ROBO1: variants seen among roughly 807,000 people sequenced by gnomAD.
The protein encoded by ROBO1 is roundabout guidance receptor 1.
A neutral mutation model predicts 195.9 loss-of-function variants in ROBO1; 149 were observed. The observed-to-expected ratio is 0.76, with a 90% CI of 0.67 to 0.87. The LOEUF (loss-of-function observed/expected upper bound fraction) is 0.87. Among genes scored for constraint, ROBO1 ranks in the 40% least tolerant of loss-of-function variants. The probability of loss-of-function intolerance (pLI) is 0.00; values close to 1 mark genes in which losing one functional copy is unlikely to be tolerated. For missense variants in ROBO1, 1,933 were observed against 2,068.3 expected (o/e 0.93, Z 1.27); for synonymous variants, 816 against 733.2 (o/e 1.11, Z -1.82).
intron 2 of ROBO1, among the ~76,000 whole-genome samples, chr3:79,511,384 G>T (rs1940695698): frequency 1.3e-5 from 2 of 152,056 alleles, no homozygotes; most frequent in African/African-American, 4.8e-5. Flanking sequence ...GATTCCTTTG[G>T]ATGGATATAT....
intron 4 of ROBO1, among the ~76,000 whole-genome samples, chr3:78,854,459 C>G (rs918096210): frequency 1.1e-4 from 16 of 150,552 alleles, no homozygotes; most frequent in African/African-American, 3.9e-4. Flanking sequence ...GTCTGGAGAA[C>G]CCTGACTAAT....
chr3:79,331,840 G>A lies in ROBO1; in HGVS notation c.89-206301C>T, dbSNP rs144228241. Among the ~76,000 whole-genome samples, 55 of 152,248 alleles carry A rather than the reference G, an allele frequency of 3.6e-4. No individual in the cohort carries two copies. The East Asian group carries it at 4.3e-3, about 12-fold the overall frequency. Reference sequence around the variant, plus strand: ...ATAATAAAAGAGCATAATTTTCTGCGACATTAAGAATGTGACTTTAGGTCG... The same window carrying A: ...ATAATAAAAGAGCATAATTTTCTGCAACATTAAGAATGTGACTTTAGGTCG... On this transcript the variant is annotated intron_variant, in intron 2 of 30. Coordinates refer to ENST00000464233, the MANE Select transcript of ROBO1 (RefSeq NM_002941.4).
At chr3:78,816,771 G>A (rs534196667) in intron 4 of ROBO1, among the ~76,000 whole-genome samples, 7 of 152,234 alleles carry the variant, frequency 4.6e-5, no homozygotes, top group African/African-American at 1.7e-4. Flanking sequence ...CTGATGATGC[G>A]ACTGAATTGC....
intron 8 of ROBO1, among the ~76,000 whole-genome samples, chr3:78,711,266 T>C (rs1372410123): frequency 6.6e-6 from 1 of 151,370 alleles, no homozygotes; most frequent in African/African-American, 2.4e-5. Context: ...TCTCTCTCTT[T>C]CTTCCTTTCT....
chr3:79,425,909 T>G (rs1353484316), intron 2 of ROBO1, among the ~76,000 whole-genome samples: 1 of 152,218 alleles, frequency 6.6e-6, no homozygotes, highest in Non-Finnish European at 1.5e-5. Context: ...GATAACTGTA[T>G]ATATCTGTTC....
At chr3:78,614,265 G>A (rs909034729) in intron 28 of ROBO1, among the ~76,000 whole-genome samples, 1 of 152,148 alleles carries the variant, frequency 6.6e-6, no homozygotes, top group African/African-American at 2.4e-5. Flanking sequence ...CTATTTGAAT[G>A]CAAAATTGTA....
chr3:78,788,426 CT>C lies in ROBO1; in HGVS notation c.500-41527del, dbSNP rs373965044. 4.6e-3 allele frequency among the ~76,000 whole-genome samples: 343 copies of C among 73,860 alleles called. 1 individual carries two copies. The highest frequency in any genetic ancestry group is 0.021 in the Middle Eastern group (1 of 48). 48.5% of individuals were successfully genotyped at this position (73,860 alleles called of 152,430 possible). ...AGCCACCGCTCCCAGCCTCTCTTTT[CT>C]TTTTTTTTTTTTTAAAAAAAAAAAA... On this transcript the variant is annotated intron_variant, in intron 4 of 30. Coordinates refer to ENST00000464233, the MANE Select transcript of ROBO1 (RefSeq NM_002941.4).
intron 2 of ROBO1, among the ~76,000 whole-genome samples, chr3:79,551,446 G>A (rs1942508685): frequency 6.6e-6 from 1 of 151,602 alleles, no homozygotes; most frequent in African/African-American, 2.4e-5. Context: ...AATGAAAGTT[G>A]TTTTGGATTC....
chr3:79,482,738 A>G (rs13097247), intron 2 of ROBO1, among the ~76,000 whole-genome samples: 2,332 of 152,342 alleles, frequency 0.015, 22 homozygotes, highest in Non-Finnish European at 0.024. Flanking sequence ...CAAATGCTAA[A>G]AAACAGATCT....
chr3:78,831,347 G>A (rs2032188836), intron 4 of ROBO1, among the ~76,000 whole-genome samples: 1 of 152,028 alleles, frequency 6.6e-6, no homozygotes. Flanking sequence ...GAAATTACAA[G>A]TTCTTCCATA....
chr3:79,011,765 TTA>T (rs1251440675), intron 3 of ROBO1, among the ~76,000 whole-genome samples: 19 of 151,818 alleles, frequency 1.3e-4, no homozygotes, highest in African/African-American at 3.9e-4. Flanking sequence ...CCAAAGACTT[TTA>T]TGTCATATGA....
At chr3:78,662,332 C>T (rs1707472872) in intron 14 of ROBO1, among the ~76,000 whole-genome samples, 1 of 151,526 alleles carries the variant, frequency 6.6e-6, no homozygotes, top group South Asian at 2.1e-4. Context: ...ACGCAGAGGA[C>T]ATATATTATA....
intron 2 of ROBO1, among the ~76,000 whole-genome samples, chr3:79,510,003 C>CA (rs919221494): frequency 7.5e-4 from 108 of 144,812 alleles, no homozygotes; most frequent in African/African-American, 1.2e-3. Context: ...ACTATAATCA[C>CA]AAAAAAAAAA....
At chr3:79,622,332 C>T (rs1945033246) in intron 1 of ROBO1, among the ~76,000 whole-genome samples, 1 of 152,190 alleles carries the variant, frequency 6.6e-6, no homozygotes, top group Admixed American at 6.5e-5. Flanking sequence ...GAAGGGGCGA[C>T]CAGCACCCCA....
intron 2 of ROBO1, among the ~76,000 whole-genome samples, chr3:79,257,772 G>A (rs978747788): frequency 6.6e-6 from 1 of 152,056 alleles, no homozygotes; most frequent in Non-Finnish European, 1.5e-5. Flanking sequence ...GGTTTTAGAT[G>A]CTCTTTTTGC....
chr3:78,818,116 T>G (rs549076898), intron 4 of ROBO1, among the ~76,000 whole-genome samples: 10 of 152,316 alleles, frequency 6.6e-5, no homozygotes, highest in African/African-American at 2.2e-4. Context: ...TACTTTCTCC[T>G]ACCTCTCCTC....
At chr3:78,618,920 C>T (rs925665504) in intron 26 of ROBO1, among the ~76,000 whole-genome samples, 1 of 152,064 alleles carries the variant, frequency 6.6e-6, no homozygotes, top group South Asian at 2.1e-4. Flanking sequence ...GGGCTATGAT[C>T]CACAGTGAAT....
In ROBO1 at chr3:78,639,738, C is replaced by T. The variant is rs1462926772; in HGVS notation, c.3037+6G>A. ...ATACATATCAGGCTCTCTCTGTGTC[C>T]CTAACCTGGGCGACTGTAGGTAGTG... On this transcript the variant is annotated splice_donor_region_variant and intron_variant, in intron 22 of 30. Coordinates refer to ENST00000464233, the MANE Select transcript of ROBO1 (RefSeq NM_002941.4). The T allele has an allele frequency of 6.2e-7, 1 of 1,610,828 alleles. No individual in the cohort carries two copies. Among genetic ancestry groups the T allele is most frequent in the African/African-American group, 1.3e-5 (1 of 74,804 alleles).
chr3:78,651,993 T>G, intron 18 of ROBO1, 64 bp from the exon 19 acceptor site: 1 of 1,221,332 alleles, frequency 8.2e-7, no homozygotes, highest in Non-Finnish European at 1.2e-6. Flanking sequence ...CGCACTCATT[T>G]GTGGCTGCCA....
Sources: gnomAD v4.1 joint callset for allele counts (sites outside exome capture counted in the v4.1 genomes callset) on GRCh38, gnomAD v4.1.1 for gene constraint, MANE v1.5 for transcripts, NCBI Gene and HGNC (gene_info 2026-07-23, HGNC 2026-07-21) for gene names.